The following ALK variants were observed in gnomAD, a reference collection of about 807,000 sequenced individuals.
ALK encodes the protein ALK tyrosine kinase receptor.
A neutral mutation model predicts 163.1 loss-of-function variants in ALK; 74 were observed. The ratio of observed to expected loss-of-function variants is 0.45; its 90% CI spans 0.38 to 0.55. The LOEUF is 0.55. ALK is among the 20% of genes least tolerant of loss of function. ALK has a pLI of 0.00. For missense variants in ALK, 2,063 were observed against 2,105.3 expected, an observed-to-expected ratio of 0.98 and a Z score of 0.39; for synonymous variants, 960 against 843.2, an observed-to-expected ratio of 1.14 and a Z score of -2.40.
rs114972963 is a variant in ALK, at chr2:29,716,423, G to C, written c.787+1155C>G. 4.7e-3 allele frequency among the ~76,000 whole-genome samples: 709 copies of C among 152,302 alleles called. 7 individuals are homozygous for C. Among genetic ancestry groups the C allele is most frequent in the African/African-American group, 0.015 (616 of 41,566 alleles). ...GTGTTCACCCTAGAGGAGTTCAAGA[G>C]AATTAAAATGTTCATTTGAAATGCT... is the stretch of plus-strand genomic sequence containing the variant. On this transcript the variant is annotated intron_variant, in intron 2 of 28. Coordinates refer to ENST00000389048, the MANE Select transcript of ALK (RefSeq NM_004304.5).
In ALK at chr2:29,194,949, A is replaced by C. The variant is rs938853379; in HGVS notation, c.4165-1027T>G. 2.0e-5 allele frequency among the ~76,000 whole-genome samples: 3 copies of C among 152,326 alleles called. No homozygotes were observed. The South Asian group carries it at 6.2e-4, about 32-fold the overall frequency. On this transcript the variant is annotated intron_variant, in intron 28 of 28. Coordinates refer to ENST00000389048, the MANE Select transcript of ALK (RefSeq NM_004304.5). ...TAGAAGAACAGAAGCAGCTGCCAGAAGTTTAGGGAAAATTTGTGGAAGAAA... is the reference window on the plus strand; with the variant it reads ...TAGAAGAACAGAAGCAGCTGCCAGACGTTTAGGGAAAATTTGTGGAAGAAA...
intron 1 of ALK, among the ~76,000 whole-genome samples, chr2:29,840,752 C>T (rs1383401472): frequency 6.6e-6 from 1 of 152,198 alleles, no homozygotes; most frequent in Non-Finnish European, 1.5e-5. Flanking sequence ...AATAACTGAA[C>T]ATTTACATGG....
In ALK at chr2:29,728,878, G is replaced by A. The variant is rs1158960109; in HGVS notation, c.668-11181C>T. Among the ~76,000 whole-genome samples, 7 of 152,206 alleles carry A rather than the reference G, an allele frequency of 4.6e-5. No individual in the cohort carries two copies. In the East Asian group the frequency reaches 7.7e-4, roughly 17 times the overall value. The stretch of plus-strand genomic sequence containing the variant: ...TTGATTGCAATCGAGAACAAGGACA[G>A]GGAATGAAACACAGCAGAAGGAGTG... On this transcript the variant is annotated intron_variant, in intron 1 of 28. Coordinates refer to ENST00000389048, the MANE Select transcript of ALK (RefSeq NM_004304.5).
chr2:29,920,250 C>T lies in ALK; in HGVS notation c.410G>A (p.Arg137His), dbSNP rs2148443334. 2.5e-6 allele frequency: 4 copies of T among 1,608,052 alleles called. No individual in the cohort carries two copies. Among genetic ancestry groups the T allele is most frequent in the Non-Finnish European group, 3.4e-6 (4 of 1,177,844 alleles). ...LKGGSVRKLR[R>H]AKQLVLELGE... Reference sequence around the variant, plus strand: ...CAGCTCCAGCACCAACTGCTTGGCACGCCGGAGCTTGCGCACGGAGCCGCC... The same window carrying T: ...CAGCTCCAGCACCAACTGCTTGGCATGCCGGAGCTTGCGCACGGAGCCGCC... Residue 137 changes from arginine (R) to histidine (H), a missense_variant, in exon 1 of 29, where the codon CGT (arginine) becomes CAT (histidine). Arg to His is a conservative substitution (Grantham distance 29). Transcript: ENST00000389048.
chr2:29,480,274 T>C (rs1397977711), intron 4 of ALK, among the ~76,000 whole-genome samples: 1 of 152,148 alleles, frequency 6.6e-6, no homozygotes, highest in African/African-American at 2.4e-5. Flanking sequence ...TTTAGATTTA[T>C]TTATTTAAAA....
At chr2:29,385,119 A>C (rs1489698701) in intron 4 of ALK, among the ~76,000 whole-genome samples, 2 of 147,022 alleles carry the variant, frequency 1.4e-5, no homozygotes, top group African/African-American at 2.5e-5. Flanking sequence ...AATATTTCAC[A>C]TTTTTTTTTT....
At chr2:29,823,762 G>A (rs529108875) in intron 1 of ALK, among the ~76,000 whole-genome samples, 2 of 152,268 alleles carry the variant, frequency 1.3e-5, no homozygotes, top group South Asian at 4.1e-4. Flanking sequence ...GTTTCATAAG[G>A]AAGCAGAGCA....
intron 15 of ALK, 96 bp from the exon 16 acceptor site, chr2:29,229,162 G>GT: frequency 9.1e-7 from 1 of 1,099,792 alleles, no homozygotes; most frequent in Non-Finnish European, 1.4e-6. Context: ...CTTGGAGGGC[G>GT]CCCGCACCAG....
intron 3 of ALK, among the ~76,000 whole-genome samples, chr2:29,605,299 G>A (rs2148217293): frequency 6.6e-6 from 1 of 152,300 alleles, no homozygotes; most frequent in Admixed American, 6.5e-5. Context: ...ACGCTTCCTT[G>A]CTCGCTACTC....
chr2:29,660,428 C>T (rs1279258155), intron 3 of ALK, among the ~76,000 whole-genome samples: 2 of 152,148 alleles, frequency 1.3e-5, no homozygotes, highest in African/African-American at 4.8e-5. Flanking sequence ...CTCAAGGCCC[C>T]TCTTGAGGAA....
At chr2:29,736,442 C>T (rs1428332730) in intron 1 of ALK, among the ~76,000 whole-genome samples, 1 of 151,802 alleles carries the variant, frequency 6.6e-6, no homozygotes, top group Non-Finnish European at 1.5e-5. Context: ...CCAAATTACC[C>T]TTATTTTCAT....
intron 14 of ALK, among the ~76,000 whole-genome samples, chr2:29,232,763 C>T (rs986192343): frequency 1.3e-5 from 2 of 152,192 alleles, no homozygotes; most frequent in Non-Finnish European, 2.9e-5. Flanking sequence ...TCCTGAAGCT[C>T]CTTAGACTGG....
chr2:29,899,762 G>C (rs1380171106), intron 1 of ALK: 1 of 151,574 alleles, frequency 6.6e-6, no homozygotes, highest in African/African-American at 2.4e-5. Flanking sequence ...GGAGGCAAAG[G>C]TTGCAGTGAG....
chr2:29,759,514 C>G (rs1680640797), intron 1 of ALK, among the ~76,000 whole-genome samples: 1 of 152,186 alleles, frequency 6.6e-6, no homozygotes. Context: ...CTTCTAGGGA[C>G]AGGATACAGT....
At chr2:29,689,328 T>TCC (rs1678327025) in intron 3 of ALK, among the ~76,000 whole-genome samples, 1 of 152,222 alleles carries the variant, frequency 6.6e-6, no homozygotes, top group African/African-American at 2.4e-5. Flanking sequence ...CTGCAGTGAC[T>TCC]GTGGGTGCAA....
chr2:29,344,148 TC>T (rs1310064047), intron 5 of ALK, among the ~76,000 whole-genome samples: 1 of 152,226 alleles, frequency 6.6e-6, no homozygotes, highest in Non-Finnish European at 1.5e-5. Flanking sequence ...CTTCAGGCCA[TC>T]CTGTATACTA....
intron 4 of ALK, among the ~76,000 whole-genome samples, chr2:29,418,154 T>C (rs1395482854): frequency 6.6e-6 from 1 of 152,208 alleles, no homozygotes; most frequent in East Asian, 1.9e-4. Context: ...CAACAAGAGC[T>C]AGATTTCCCA....
At chr2:29,252,831 ATTTATTT>A (rs1267643296) in intron 11 of ALK, among the ~76,000 whole-genome samples, 2 of 136,750 alleles carry the variant, frequency 1.5e-5, no homozygotes, top group East Asian at 4.0e-4. Context: ...CTGATTTTTT[ATTTATTT>A]TTTTTTAGAC....
chr2:29,222,648 G>A, intron 20 of ALK, 41 bp from the exon 21 acceptor site: 6 of 1,585,360 alleles, frequency 3.8e-6, no homozygotes, highest in Non-Finnish European at 5.2e-6. Flanking sequence ...AGTCAAACAG[G>A]CCACAATAAT....
Sources: allele counts gnomAD v4.1 joint callset (sites outside exome capture counted in the v4.1 genomes callset), GRCh38; gene constraint gnomAD v4.1.1; transcripts MANE v1.5; gene names NCBI Gene and HGNC (gene_info 2026-07-23, HGNC 2026-07-21).